SREK1: variants seen among roughly 807,000 people sequenced by gnomAD.
The protein encoded by SREK1 is splicing regulatory glutamine/lysine-rich protein 1.
SREK1 carries 13 observed loss-of-function variants against 66.5 expected under a neutral mutation model. The ratio of observed to expected loss-of-function variants is 0.20; its 90% confidence interval spans 0.13 to 0.31. The LOEUF (loss-of-function observed/expected upper bound fraction) is 0.31, where lower values mean the gene tolerates loss of function less well. Ranked by LOEUF, SREK1 falls within the 10% of genes least tolerant of loss-of-function variation. The pLI is 1.00. For missense variants in SREK1, 607 were observed against 769.6 expected (o/e 0.79, Z 2.50); for synonymous variants, 265 against 263.5 (o/e 1.01, Z -0.05).
At chr5:66,156,193 T>C (rs1744268309) in intron 2 of SREK1, 1 of 1,292,510 alleles carries the variant, frequency 7.7e-7, no homozygotes, top group Non-Finnish European at 9.8e-7. Flanking sequence ...CCGCAGAAGA[T>C]GGACGCCCTG....
intron 2 of SREK1, chr5:66,157,100 G>A: frequency 3.2e-6 from 3 of 951,590 alleles, no homozygotes; most frequent in South Asian, 4.9e-5. Context: ...ATTAGAATAA[G>A]TATATAGAGT....
At chr5:66,171,678 T>C (rs904776700) in intron 9 of SREK1, among the ~76,000 whole-genome samples, 8 of 152,212 alleles carry the variant, frequency 5.3e-5, no homozygotes, top group Non-Finnish European at 1.2e-4. Context: ...TTTTTAAAGA[T>C]GGTTTTTTAA....
chr5:66,175,187 G>T lies in SREK1; in HGVS notation c.1580+146G>T, dbSNP rs1745960214. 7.2e-6 allele frequency: 5 copies of T among 691,198 alleles called. No homozygotes were observed. In the South Asian group the frequency reaches 1.2e-4, roughly 16 times the overall value. 42.8% of individuals were successfully genotyped at this position (691,198 alleles called of 1,614,324 possible). ...TTCAGAAATTAAAGATAAAAGTTAT[G>T]TATCAGGAAGTCTTAATTTCCACTC... On this transcript the variant is annotated intron_variant, in intron 10 of 11. Coordinates refer to ENST00000334121, the MANE Select transcript of SREK1 (RefSeq NM_001077199.3).
intron 1 of SREK1, chr5:66,144,740 C>T: frequency 7.9e-7 from 1 of 1,263,816 alleles, no homozygotes; most frequent in South Asian, 1.8e-5. Flanking sequence ...AACTACTGCA[C>T]GGAGCCCTTA....
chr5:66,162,109 C>T lies in SREK1; in HGVS notation c.412C>T (p.Leu138Phe), dbSNP rs1445915309. ...TGTGTTTTTTTTCTTCTTTCGATAGCTTGGTGTTTCACTTAGCAGTTTGGG... is the reference window on the plus strand; with the variant it reads ...TGTGTTTTTTTTCTTCTTTCGATAGTTTGGTGTTTCACTTAGCAGTTTGGG... ...PIPTPNPLTT[L>F]GVSLSSLGAI... Residue 138 changes from leucine (L) to phenylalanine (F), a missense_variant and splice_region_variant, in exon 4 of 12, where the codon CTT (leucine) becomes TTT (phenylalanine). Physicochemically the swap from Leu to Phe is conservative, Grantham distance 22. Transcript: ENST00000334121. 1 of 1,608,518 alleles carries T rather than the reference C, an allele frequency of 6.2e-7. No individual in the cohort carries two copies. The highest frequency in any genetic ancestry group is 1.7e-5 in the Admixed American group (1 of 58,834).
rs1049681566 is a variant in SREK1 at position 66,156,031 on chromosome 5, A to G, written c.295+2435A>G. Reference sequence around the variant, plus strand: ...ATTTTGACTATTAATTTGGTTTTGTATGTTTTCTCTATGTGATATTTGTGC... The same window carrying G: ...ATTTTGACTATTAATTTGGTTTTGTGTGTTTTCTCTATGTGATATTTGTGC... On this transcript the variant is annotated intron_variant, in intron 2 of 11. Transcript: ENST00000334121. The G allele has an allele frequency of 3.3e-6, 5 of 1,533,442 alleles. No individual in the cohort carries two copies. The African/African-American group carries it at 4.1e-5, about 13-fold the overall frequency. The allele number at this position is 1,533,442 out of a possible 1,614,324, so 95.0% of individuals were successfully genotyped here.
chr5:66,164,453 A>C (rs1745009285), intron 6 of SREK1: 1 of 695,984 alleles, frequency 1.4e-6, no homozygotes, highest in Non-Finnish European at 2.1e-6. Flanking sequence ...ATCAACACTT[A>C]GAATTTAAGC....
At chr5:66,163,945 T>C (rs3763061) in intron 6 of SREK1, 23 bp downstream of exon 6, 214,974 of 1,607,008 alleles carry the variant, frequency 0.13, 15,844 homozygotes, top group Admixed American at 0.28. Context: ...CGTTGTTACA[T>C]AGGTCATAGT....
At chr5:66,165,870 CTTTG>C (rs1561507928) in intron 7 of SREK1, 1 of 151,950 alleles carries the variant, frequency 6.6e-6, no homozygotes, top group Admixed American at 6.6e-5. Context: ...GCTCAGTTTA[CTTTG>C]TTTTTGTGTG....
chr5:66,170,136 G>C lies in SREK1; in HGVS notation c.1087G>C (p.Glu363Gln). 6.2e-7 allele frequency: 1 copy of C among 1,612,854 alleles called. No homozygotes were observed. The highest frequency in any genetic ancestry group is 8.5e-7 in the Non-Finnish European group (1 of 1,179,390). ...SPHKKRSKSRERRKSRSRSHS... is the reference protein window; with the variant it reads ...SPHKKRSKSRQRRKSRSRSHS... ...ACATAAAAAACGCTCTAAATCAAGG[G>C]AGAGACGGAAGTCAAGGAGTCGTTC... The change falls in exon 8 of 12, where the codon GAG becomes CAG. Residue 363 changes from glutamate (E) to glutamine (Q), a missense_variant. By Grantham distance (29) the Glu-to-Gln change is conservative. This residue lies in a region of SREK1 where 112 missense variants were observed against 168.6 expected (regional missense o/e 0.66). Transcript: ENST00000334121.
At chr5:66,170,266 T>C in intron 8 of SREK1, 96 bp downstream of exon 8, 1 of 1,438,354 alleles carries the variant, frequency 7.0e-7, no homozygotes, top group African/African-American at 1.4e-5. Context: ...GTTAAAAATC[T>C]GTTGTGGTTT....
chr5:66,146,409 G>C (rs1055064636), intron 1 of SREK1, among the ~76,000 whole-genome samples: 9 of 152,056 alleles, frequency 5.9e-5, no homozygotes, highest in Non-Finnish European at 1.0e-4. Flanking sequence ...ACAGTAATGG[G>C]CCACTTTTTT....
chr5:66,178,718 G>C lies in SREK1; in HGVS notation c.1726-1G>C. ...ATGCATACCTTAATTACTCATTGTA[G>C]GAGAAAGAGCACAATAAAGAACCAG... is the stretch of plus-strand genomic sequence containing the variant. On this transcript the variant is annotated splice_acceptor_variant, in intron 11 of 11. Coordinates refer to ENST00000334121, the MANE Select transcript of SREK1 (RefSeq NM_001077199.3). LOFTEE classifies it high-confidence loss of function. 1 of 1,595,842 alleles carries C rather than the reference G, an allele frequency of 6.3e-7. No homozygotes were observed. The highest frequency in any genetic ancestry group is 1.3e-5 in the African/African-American group (1 of 74,544).
At position 66,178,819 on chromosome 5, in the gene SREK1, A is replaced by G. The variant is rs1264527029; in HGVS notation, c.1826A>G (p.Asn609Ser). The change falls in exon 12 of 12, where the codon AAT becomes AGT. Residue 609 changes from asparagine to serine, a missense_variant. Asn to Ser is a conservative substitution (Grantham distance 46). Transcript: ENST00000334121. ...TEENKIQHNG[N>S]CQLNEENLST... ...GAAAACAAAATACAGCACAATGGGA[A>G]TTGTCAGCTGAATGAAGAAAACCTC... 1.2e-6 allele frequency: 2 copies of G among 1,612,540 alleles called. No homozygotes were observed. Among genetic ancestry groups the G allele is most frequent in the Admixed American group, 3.3e-5 (2 of 59,928 alleles).
At chr5:66,176,067 AT>A (rs2112105659) in intron 10 of SREK1, among the ~76,000 whole-genome samples, 1 of 152,216 alleles carries the variant, frequency 6.6e-6, no homozygotes, top group East Asian at 1.9e-4. Context: ...ATGGTTTTAT[AT>A]TTTGCAGTTA....
intron 1 of SREK1, chr5:66,144,943 CCA>C: frequency 1.0e-6 from 1 of 991,112 alleles, no homozygotes; most frequent in Non-Finnish European, 1.2e-6. Flanking sequence ...CGCGCCTGAG[CCA>C]CAGTCCAGTT....
chr5:66,177,473 C>G (rs201600612), intron 10 of SREK1, 41 bp from the exon 11 acceptor site: 1 of 1,459,882 alleles, frequency 6.8e-7, no homozygotes, highest in Non-Finnish European at 9.3e-7. Flanking sequence ...ATAGATCTTA[C>G]AATTTCTTAG....
intron 7 of SREK1, 110 bp from the exon 8 acceptor site, chr5:66,169,941 T>A (rs1561511518): frequency 6.0e-6 from 5 of 834,716 alleles, no homozygotes; most frequent in Non-Finnish European, 8.5e-6. Flanking sequence ...AAGTATTATT[T>A]AAGAGAAATT....
rs1746422267 is a variant in SREK1, at chr5:66,180,752, A to G, written c.*1884A>G. ...CTGATACAAGAATGCTTGGGTGCAT[A>G]TGGAAAGATTGTGAAAGAGTGTGTC... On this transcript the variant is annotated 3_prime_UTR_variant, in exon 12 of 12. Coordinates refer to ENST00000334121, the MANE Select transcript of SREK1 (RefSeq NM_001077199.3). The G allele has an allele frequency of 6.6e-6, 1 of 152,604 alleles. No homozygotes were observed. The highest frequency in any genetic ancestry group is 2.4e-5 in the African/African-American group (1 of 41,438). 9.5% of individuals were successfully genotyped at this position (152,604 alleles called of 1,614,324 possible).
Sources: gnomAD v4.1 joint callset for allele counts (sites outside exome capture counted in the v4.1 genomes callset) on GRCh38, gnomAD v4.1.1 for gene constraint, gnomAD v4.1.1 regional missense constraint, MANE v1.5 for transcripts, NCBI Gene and HGNC (gene_info 2026-07-23, HGNC 2026-07-21) for gene names.